BACH2: variants seen among roughly 807,000 people sequenced by gnomAD.
The protein encoded by BACH2 is BACH transcriptional regulator 2, also known as transcription regulator protein BACH2.
A neutral mutation model predicts 61.8 loss-of-function variants in BACH2; 5 were observed. The ratio of observed to expected loss-of-function variants is 0.08; its 90% CI spans 0.04 to 0.17. The LOEUF is 0.17. BACH2 is among the 10% of genes least tolerant of loss of function. The probability of loss-of-function intolerance (pLI) is 1.00; values close to 1 mark genes in which losing one functional copy is unlikely to be tolerated. For synonymous variants in BACH2, 446 were observed against 440.1 expected, an observed-to-expected ratio of 1.01 and a Z score of -0.17; for missense variants, 824 against 1,091.1, an observed-to-expected ratio of 0.76 and a Z score of 3.45.
At position 89,931,387 on chromosome 6, in the gene BACH2, T is replaced by G. The variant is rs1422558682; in HGVS notation, c.*1021A>C. 6.5e-6 allele frequency: 1 copy of G among 152,784 alleles called. No homozygotes were observed. The highest frequency in any genetic ancestry group is 1.5e-5 in the Non-Finnish European group (1 of 68,040). 9.5% of individuals were successfully genotyped at this position (152,784 alleles called of 1,614,324 possible). A position where few individuals can be genotyped will look rare whatever the true frequency, so the allele number is the denominator to read the frequency against. The stretch of plus-strand genomic sequence containing the variant: ...TCTACACATCCTAGGATGAATTCAT[T>G]ATTTGGCAAGATTGTTTTTCCTACA... On this transcript the variant is annotated 3_prime_UTR_variant, in exon 9 of 9. Coordinates refer to ENST00000257749, the MANE Select transcript of BACH2 (RefSeq NM_021813.4).
At chr6:90,019,451 T>C (rs1358937900) in intron 5 of BACH2, among the ~76,000 whole-genome samples, 2 of 152,234 alleles carry the variant, frequency 1.3e-5, no homozygotes, top group African/African-American at 4.8e-5. Context: ...TTTGTGGATC[T>C]GGACAAACTG....
At chr6:90,103,026 TATA>T (rs147832478) in intron 4 of BACH2, among the ~76,000 whole-genome samples, 22 of 59,646 alleles carry the variant, frequency 3.7e-4, no homozygotes, top group African/African-American at 4.8e-4. Context: ...TATATATATA[TATA>T]TTTTTTTTTT....
In BACH2 at chr6:90,109,601, G is replaced by C. The variant is rs1293013292; in HGVS notation, c.-161-20492C>G. Reference sequence around the variant, plus strand: ...AATTTCCTACTCAGCACCTGAACTTGTATATTCAACATGCATCTCAAGTAT... The same window carrying C: ...AATTTCCTACTCAGCACCTGAACTTCTATATTCAACATGCATCTCAAGTAT... On this transcript the variant is annotated intron_variant, in intron 4 of 8. Coordinates refer to ENST00000257749, the MANE Select transcript of BACH2 (RefSeq NM_021813.4). 2.6e-5 allele frequency among the ~76,000 whole-genome samples: 4 copies of C among 152,064 alleles called. No homozygotes were observed. In the East Asian group the frequency reaches 7.7e-4, roughly 29 times the overall value.
At chr6:90,189,698 T>G (rs1256945196) in intron 4 of BACH2, among the ~76,000 whole-genome samples, 1 of 152,092 alleles carries the variant, frequency 6.6e-6, no homozygotes, top group Non-Finnish European at 1.5e-5. Context: ...ACTTAATTCT[T>G]TTTCTTCCCT....
intron 1 of BACH2, among the ~76,000 whole-genome samples, chr6:90,294,251 T>C (rs1772266481): frequency 6.6e-6 from 1 of 152,194 alleles, no homozygotes; most frequent in Non-Finnish European, 1.5e-5. Context: ...ACATTCATGA[T>C]TACCAAATGG....
intron 3 of BACH2, among the ~76,000 whole-genome samples, chr6:90,221,055 T>C (rs1252488225): frequency 1.3e-5 from 2 of 152,126 alleles, no homozygotes; most frequent in African/African-American, 2.4e-5. Flanking sequence ...GTAGAAACCA[T>C]CTCATCAAAA....
At chr6:89,999,322 T>C (rs1777009657) in intron 6 of BACH2, among the ~76,000 whole-genome samples, 1 of 152,230 alleles carries the variant, frequency 6.6e-6, no homozygotes. Flanking sequence ...GACTCAACCA[T>C]CTACTCAAAG....
intron 4 of BACH2, among the ~76,000 whole-genome samples, chr6:90,164,174 A>G (rs1198670614): frequency 1.3e-5 from 2 of 152,206 alleles, no homozygotes; most frequent in Non-Finnish European, 2.9e-5. Flanking sequence ...TAGCAAGACT[A>G]ATAAAGAAGA....
At chr6:90,185,504 C>A (rs1768324435) in intron 4 of BACH2, among the ~76,000 whole-genome samples, 1 of 152,108 alleles carries the variant, frequency 6.6e-6, no homozygotes, top group Admixed American at 6.5e-5. Flanking sequence ...AAAAATGTCA[C>A]TAAAATATAA....
At chr6:90,266,582 T>C (rs1434497465) in intron 2 of BACH2, among the ~76,000 whole-genome samples, 1 of 152,128 alleles carries the variant, frequency 6.6e-6, no homozygotes, top group Non-Finnish European at 1.5e-5. Flanking sequence ...CAATAAGGAA[T>C]GAAGTACTGA....
At chr6:90,105,311 T>C (rs977962666) in intron 4 of BACH2, among the ~76,000 whole-genome samples, 1 of 152,216 alleles carries the variant, frequency 6.6e-6, no homozygotes, top group Admixed American at 6.5e-5. Context: ...TAGCCAAATA[T>C]TTCTCTGTTT....
intron 5 of BACH2, among the ~76,000 whole-genome samples, chr6:90,028,267 A>G (rs960811259): frequency 6.6e-6 from 1 of 152,242 alleles, no homozygotes; most frequent in African/African-American, 2.4e-5. Flanking sequence ...GTCTGCTCTT[A>G]TGGGCACTTA....
chr6:90,037,171 T>C (rs745544294), intron 5 of BACH2, among the ~76,000 whole-genome samples: 14 of 152,200 alleles, frequency 9.2e-5, no homozygotes, highest in Non-Finnish European at 1.5e-4. Flanking sequence ...CCTGCGGCTG[T>C]TACTCATTTG....
chr6:90,199,694 C>T (rs574008894), intron 4 of BACH2, among the ~76,000 whole-genome samples: 11 of 152,248 alleles, frequency 7.2e-5, no homozygotes, highest in Admixed American at 1.3e-4. Context: ...ACCTCACATT[C>T]GACAGGACTC....
intron 3 of BACH2, among the ~76,000 whole-genome samples, chr6:90,209,271 G>T (rs184645943): frequency 6.8e-6 from 1 of 146,984 alleles, no homozygotes; most frequent in Admixed American, 6.9e-5. Flanking sequence ...CACAGATCTT[G>T]GAATTCCAAC....
chr6:90,016,176 T>C (rs1361610079), intron 5 of BACH2, among the ~76,000 whole-genome samples: 1 of 152,110 alleles, frequency 6.6e-6, no homozygotes, highest in African/African-American at 2.4e-5. Flanking sequence ...TTCTTGTAAG[T>C]AACATATAAT....
chr6:90,163,312 T>A (rs1229396194), intron 4 of BACH2, among the ~76,000 whole-genome samples: 1 of 152,182 alleles, frequency 6.6e-6, no homozygotes, highest in African/African-American at 2.4e-5. Flanking sequence ...TGAAAATAAG[T>A]CCTTGGTACT....
At chr6:90,133,584 A>G (rs528228648) in intron 4 of BACH2, among the ~76,000 whole-genome samples, 25 of 152,042 alleles carry the variant, frequency 1.6e-4, no homozygotes, top group Admixed American at 5.2e-4. Flanking sequence ...GTACATGTGC[A>G]CAACGTGCAG....
At chr6:90,188,820 TA>T (rs985929521) in intron 4 of BACH2, among the ~76,000 whole-genome samples, 4 of 148,138 alleles carry the variant, frequency 2.7e-5, no homozygotes, top group Admixed American at 6.7e-5. Context: ...AGCATTGGAT[TA>T]AAAAAAAATA....
Sources: allele counts gnomAD v4.1 joint callset (sites outside exome capture counted in the v4.1 genomes callset), GRCh38; gene constraint gnomAD v4.1.1; transcripts MANE v1.5; gene names NCBI Gene and HGNC (gene_info 2026-07-23, HGNC 2026-07-21).